Variants in FAM120C observed in about 807,000 individuals in gnomAD.
The protein encoded by FAM120C is family with sequence similarity 120 member C, also known as constitutive coactivator of PPAR-gamma-like protein 2.
In FAM120C, 14 loss-of-function variants were observed where a neutral mutation model predicts 71.2. The ratio of observed to expected loss-of-function variants is 0.20; its 90% CI spans 0.13 to 0.31. The LOEUF is 0.31. FAM120C is among the 10% of genes least tolerant of loss of function. FAM120C has a pLI of 1.00. For missense variants in FAM120C, 500 were observed against 879.0 expected, an observed-to-expected ratio of 0.57 and a Z score of 5.45; for synonymous variants, 354 against 353.2, an observed-to-expected ratio of 1.00 and a Z score of -0.03.
chrX:54,142,540 G>A (rs1557131800), intron 4 of FAM120C, among the ~76,000 whole-genome samples: 1 of 112,119 alleles, frequency 8.9e-6, no homozygotes, highest in East Asian at 2.8e-4. Context: ...GAGGCTGGGG[G>A]AGGGGCGTCC....
At chrX:54,174,194 G>C (rs1557136366) in intron 1 of FAM120C, 1 of 511,759 alleles carries the variant, frequency 2.0e-6, no homozygotes, top group Admixed American at 2.7e-5. Context: ...AAGAGAGAGA[G>C]AGTGCAAACA....
intron 10 of FAM120C, among the ~76,000 whole-genome samples, chrX:54,114,434 G>GT (rs1434265554): frequency 1.8e-5 from 2 of 109,398 alleles, no homozygotes; most frequent in East Asian, 2.9e-4. Context: ...TTTTGTTTTT[G>GT]TTTTTTTGGT....
chrX:54,183,051 C>T lies in FAM120C; in HGVS notation c.148G>A (p.Ala50Thr), dbSNP rs781841147. 2.7e-5 allele frequency: 31 copies of T among 1,156,154 alleles called. No homozygotes were observed. In the African/African-American group the frequency reaches 5.0e-4, roughly 19 times the overall value. Residue 50 changes from alanine (A) to threonine (T), a missense_variant, in exon 1 of 16, where the codon GCG becomes ACG. Ala to Thr is a moderately conservative substitution (Grantham distance 58). This residue lies in a region of FAM120C where 79 missense variants were observed against 78.3 expected (regional missense o/e 1.01). Transcript: ENST00000375180. ...CTGGCGGCGCGTGGAGCCCCGGGCG[C>T]TAGGGCTGCAGTCGGCGGCAGCTGG... is the stretch of plus-strand genomic sequence containing the variant. ...HRQLPPTAAL[A>T]PGAPRAARGS... is the part of the protein sequence containing the mutation.
intron 13 of FAM120C, among the ~76,000 whole-genome samples, chrX:54,084,473 G>A (rs782569918): frequency 5.4e-5 from 6 of 111,949 alleles, no homozygotes; most frequent in Non-Finnish European, 1.1e-4. Flanking sequence ...CAACCACAGC[G>A]ATGACACTCT....
chrX:54,131,305 G>C (rs2067064682), intron 9 of FAM120C, among the ~76,000 whole-genome samples: 1 of 111,253 alleles, frequency 9.0e-6, no homozygotes, highest in Admixed American at 9.6e-5. Context: ...GGTCTCCTCT[G>C]TCACCCAGGC....
intron 4 of FAM120C, among the ~76,000 whole-genome samples, chrX:54,138,031 A>G (rs187356673): frequency 1.9e-4 from 21 of 112,417 alleles, no homozygotes; most frequent in Admixed American, 5.7e-4. Flanking sequence ...TACTTTATTC[A>G]TAATAGCCCC....
chrX:54,172,924 C>T (rs1405897586), intron 1 of FAM120C, among the ~76,000 whole-genome samples: 1 of 112,438 alleles, frequency 8.9e-6, no homozygotes, highest in Non-Finnish European at 1.9e-5. Flanking sequence ...TTGTAACCAG[C>T]TGCTATGTAA....
intron 10 of FAM120C, among the ~76,000 whole-genome samples, chrX:54,097,795 C>T (rs2066860076): frequency 9.0e-6 from 1 of 110,854 alleles, no homozygotes; most frequent in African/African-American, 3.3e-5. Context: ...GGCACGATCT[C>T]GGCTCACTGC....
At chrX:54,089,998 T>C (rs1483476613) in intron 11 of FAM120C, among the ~76,000 whole-genome samples, 1 of 110,370 alleles carries the variant, frequency 9.1e-6, no homozygotes, top group African/African-American at 3.3e-5. Flanking sequence ...CTAGGGGTTT[T>C]ACATGGATTA....
intron 8 of FAM120C, among the ~76,000 whole-genome samples, 183 bp from the exon 9 acceptor site, chrX:54,133,046 A>G (rs375080048): frequency 8.9e-6 from 1 of 112,721 alleles, no homozygotes; most frequent in Non-Finnish European, 1.9e-5. Context: ...CTTATAAGCT[A>G]TATTTCATTT....
Position 54,159,253 on chromosome X carries a change from G to A in FAM120C, c.946+117C>T, listed in dbSNP as rs782588483. 4.7e-4 allele frequency: 447 copies of A among 944,080 alleles called. 5 individuals are homozygous for A. The South Asian group carries it at 9.8e-3, about 21-fold the overall frequency. The allele number at this position is 944,080 out of a possible 1,213,427, so 77.8% of individuals were successfully genotyped here. A position where few individuals can be genotyped will look rare whatever the true frequency, so the allele number is the denominator to read the frequency against. On this transcript the variant is annotated intron_variant, in intron 2 of 15. Transcript: ENST00000375180. The stretch of plus-strand genomic sequence containing the variant: ...TGAGTTCTCCCCAGCAGTGTTTAGC[G>A]TGAAGACTTTAAGAAGACAAATCTA...
chrX:54,145,275 A>G (rs1426762518), intron 4 of FAM120C, among the ~76,000 whole-genome samples: 6 of 112,256 alleles, frequency 5.3e-5, no homozygotes, highest in African/African-American at 1.9e-4. Flanking sequence ...TCATGACTAA[A>G]ACACCAAAAG....
At chrX:54,111,981 A>C (rs1012107897) in intron 10 of FAM120C, among the ~76,000 whole-genome samples, 2 of 112,519 alleles carry the variant, frequency 1.8e-5, no homozygotes, top group African/African-American at 6.4e-5. Context: ...ATAAAGCCAC[A>C]TACCTACAGC....
At chrX:54,171,449 G>A (rs1427377558) in intron 1 of FAM120C, 1 of 112,109 alleles carries the variant, frequency 8.9e-6, no homozygotes, top group Non-Finnish European at 1.9e-5. Context: ...TTTTATTTAA[G>A]CTGTGGGTGT....
intron 9 of FAM120C, among the ~76,000 whole-genome samples, chrX:54,127,302 G>A (rs2067032174): frequency 9.1e-6 from 1 of 110,300 alleles, no homozygotes; most frequent in African/African-American, 3.3e-5. Context: ...CTTTTTAAGA[G>A]ATGAGATGGC....
At chrX:54,175,046 G>A (rs781865850) in intron 1 of FAM120C, among the ~76,000 whole-genome samples, 5 of 110,548 alleles carry the variant, frequency 4.5e-5, no homozygotes, top group African/African-American at 1.6e-4. Context: ...CTCCTGGAAG[G>A]GTAGGGTACC....
intron 10 of FAM120C, among the ~76,000 whole-genome samples, chrX:54,098,436 G>A (rs978300266): frequency 6.3e-5 from 7 of 111,219 alleles, no homozygotes; most frequent in African/African-American, 1.6e-4. Context: ...TGAGGGTTCC[G>A]ATTTCTCCAT....
chrX:54,169,582 AG>A (rs1557135684), intron 1 of FAM120C, among the ~76,000 whole-genome samples: 1 of 111,558 alleles, frequency 9.0e-6, no homozygotes, highest in African/African-American at 3.3e-5. Context: ...TATTCCCTCA[AG>A]CCCCTCTACC....
At chrX:54,144,468 C>G (rs1184830232) in intron 4 of FAM120C, among the ~76,000 whole-genome samples, 1 of 112,377 alleles carries the variant, frequency 8.9e-6, no homozygotes, top group Admixed American at 9.5e-5. Flanking sequence ...TCAGCAAAGT[C>G]TCAGGATACA....
Sources: gnomAD v4.1 joint callset for allele counts (sites outside exome capture counted in the v4.1 genomes callset) on GRCh38, gnomAD v4.1.1 for gene constraint, gnomAD v4.1.1 regional missense constraint, MANE v1.5 for transcripts, NCBI Gene and HGNC (gene_info 2026-07-23, HGNC 2026-07-21) for gene names.